DHX32: variants seen among roughly 807,000 people sequenced by gnomAD.
The protein encoded by DHX32 is putative pre-mRNA-splicing factor ATP-dependent RNA helicase DHX32.
In DHX32, 51 loss-of-function variants were observed where a neutral mutation model predicts 70.0. That is an observed-to-expected ratio of 0.73 (90% CI 0.58 to 0.92). DHX32 has a LOEUF of 0.92. Ranked by LOEUF, DHX32 falls within the 40% of genes least tolerant of loss-of-function variation. The probability of loss-of-function intolerance (pLI) is 0.00; values close to 1 mark genes in which losing one functional copy is unlikely to be tolerated. For missense variants in DHX32, 762 were observed against 891.8 expected (o/e 0.85, Z 1.85); for synonymous variants, 310 against 315.3 (o/e 0.98, Z 0.18).
chr10:125,854,423 T>G, intron 3 of DHX32: 1 of 360,094 alleles, frequency 2.8e-6, no homozygotes, highest in Non-Finnish European at 4.8e-6. Context: ...GTTTTCCCAT[T>G]TAATTTTGTT....
chr10:125,894,855 A>G (rs1944422157), intron 1 of DHX32, among the ~76,000 whole-genome samples: 1 of 152,292 alleles, frequency 6.6e-6, no homozygotes, highest in African/African-American at 2.4e-5. Context: ...GATTTTGCTA[A>G]TGATATGTAA....
chr10:125,840,893 G>T lies in DHX32; in HGVS notation c.1647C>A (p.Ser549Arg). 1 of 1,609,712 alleles carries T rather than the reference G, an allele frequency of 6.2e-7. No homozygotes were observed. The highest frequency in any genetic ancestry group is 1.7e-5 in the Admixed American group (1 of 59,852). ...TTGTGTCTTGGTAAGCCTTGTAAATGCTGATGAGGGTAAAGTGATCTCCTT... is the reference window on the plus strand; with the variant it reads ...TTGTGTCTTGGTAAGCCTTGTAAATTCTGATGAGGGTAAAGTGATCTCCTT... ...HPEGDHFTLI[S>R]IYKAYQDTTL... Residue 549 changes from serine to arginine, a missense_variant, in exon 8 of 11, where the codon AGC (serine) becomes AGA (arginine). By Grantham distance (110) the Ser-to-Arg change is moderately radical (BLOSUM62 -1). This residue lies in a region of DHX32 where 366 missense variants were observed against 402.6 expected (regional missense o/e 0.91). Transcript: ENST00000284690.
intron 2 of DHX32, 59 bp from the exon 3 acceptor site, chr10:125,860,034 C>T: frequency 7.1e-7 from 1 of 1,407,992 alleles, no homozygotes; most frequent in Non-Finnish European, 9.4e-7. Flanking sequence ...CAAAAAACTT[C>T]CTAACAAGAA....
chr10:125,859,048 T>TG lies in DHX32; in HGVS notation c.849+554_849+555insC, dbSNP rs1157053178. ...TTTTTTTTTTGTTTGTTTGTTTGTT[T>TG]TTTTTTTTTTTTTTTAATCTTTTAA... On this transcript the variant is annotated intron_variant, in intron 3 of 10. Coordinates refer to ENST00000284690, the MANE Select transcript of DHX32 (RefSeq NM_018180.3). 2.7e-3 allele frequency among the ~76,000 whole-genome samples: 376 copies of TG among 141,728 alleles called. 1 individual carries two copies. Among genetic ancestry groups the TG allele is most frequent in the African/African-American group, 7.0e-3 (254 of 36,158 alleles). 93.0% of individuals were successfully genotyped at this position (141,728 alleles called of 152,430 possible). A position where few individuals can be genotyped will look rare whatever the true frequency, so the allele number is the denominator to read the frequency against.
At chr10:125,853,476 G>C (rs1031672221) in intron 4 of DHX32, 1 of 253,788 alleles carries the variant, frequency 3.9e-6, no homozygotes, top group Non-Finnish European at 7.3e-6. Flanking sequence ...AAATTTTATC[G>C]TCAATTATAA....
chr10:125,859,048 T>G (rs865798965), intron 3 of DHX32, among the ~76,000 whole-genome samples: 2,100 of 141,736 alleles, frequency 0.015, 48 homozygotes, highest in African/African-American at 0.055. Flanking sequence ...TTTGTTTGTT[T>G]TTTTTTTTTT....
At chr10:125,851,784 G>A (rs1249700398) in intron 6 of DHX32, among the ~76,000 whole-genome samples, 2 of 151,956 alleles carry the variant, frequency 1.3e-5, no homozygotes, top group African/African-American at 2.4e-5. Flanking sequence ...TAATAAGTGT[G>A]GTGGCTTGCA....
chr10:125,877,824 C>A (rs1053511229), intron 1 of DHX32, among the ~76,000 whole-genome samples: 2 of 152,008 alleles, frequency 1.3e-5, no homozygotes. Context: ...TTATCAAATC[C>A]TTCTGGGCCA....
At chr10:125,875,052 C>T (rs1944276447) in intron 1 of DHX32, among the ~76,000 whole-genome samples, 1 of 151,958 alleles carries the variant, frequency 6.6e-6, no homozygotes, top group African/African-American at 2.4e-5. Flanking sequence ...AACCCCGTCT[C>T]TATAAAAAAT....
intron 2 of DHX32, among the ~76,000 whole-genome samples, chr10:125,861,681 G>A (rs1384954547): frequency 1.3e-5 from 2 of 152,226 alleles, no homozygotes; most frequent in Non-Finnish European, 2.9e-5. Flanking sequence ...CATTTCACGA[G>A]CTGTGAATGA....
chr10:125,851,878 G>A (rs989947888), intron 6 of DHX32, among the ~76,000 whole-genome samples: 2 of 138,448 alleles, frequency 1.4e-5, no homozygotes, highest in Non-Finnish European at 3.0e-5. Flanking sequence ...CTATGATCAC[G>A]CCACTGTACT....
chr10:125,853,103 C>T, intron 4 of DHX32: 1 of 1,547,624 alleles, frequency 6.5e-7, no homozygotes. Flanking sequence ...GCGTATGGCA[C>T]TAACAATGAT....
At chr10:125,858,775 A>G (rs1944163898) in intron 3 of DHX32, among the ~76,000 whole-genome samples, 1 of 152,112 alleles carries the variant, frequency 6.6e-6, no homozygotes, top group African/African-American at 2.4e-5. Flanking sequence ...GAAGACAGGG[A>G]AAAAAGGCCA....
chr10:125,843,537 AG>A (rs1028636962), intron 6 of DHX32, among the ~76,000 whole-genome samples: 2 of 151,930 alleles, frequency 1.3e-5, no homozygotes, highest in African/African-American at 4.8e-5. Context: ...GCGTGAACCC[AG>A]GAAGTGGAGC....
rs753073267 is a variant in DHX32 at position 125,849,262 on chromosome 10, C to T, written c.1351+3031G>A. Reference sequence around the variant, plus strand: ...CCATCTTTCCGCCTGCACTGTTGCACGCAAAAACATATCAACTTAAATGAT... The same window carrying T: ...CCATCTTTCCGCCTGCACTGTTGCATGCAAAAACATATCAACTTAAATGAT... On this transcript the variant is annotated intron_variant, in intron 6 of 10. Transcript: ENST00000284690. Among the ~76,000 whole-genome samples the T allele has an allele frequency of 3.9e-5, 6 of 152,182 alleles. No homozygotes were observed. The South Asian group carries it at 8.3e-4, about 21-fold the overall frequency.
At chr10:125,840,737 A>C (rs1854853908) in intron 8 of DHX32, 110 bp downstream of exon 8, 1 of 1,250,822 alleles carries the variant, frequency 8.0e-7, no homozygotes, top group Non-Finnish European at 1.1e-6. Flanking sequence ...ATTGCATTCA[A>C]GTGGCCAGTA....
At chr10:125,840,163 C>A (rs1434306307) in intron 8 of DHX32, among the ~76,000 whole-genome samples, 1 of 152,216 alleles carries the variant, frequency 6.6e-6, no homozygotes, top group African/African-American at 2.4e-5. Flanking sequence ...GTGGCTCTAG[C>A]CTCTGCTATG....
At chr10:125,891,511 G>A (rs2886645) in intron 1 of DHX32, among the ~76,000 whole-genome samples, 4 of 149,604 alleles carry the variant, frequency 2.7e-5, no homozygotes, top group South Asian at 2.1e-4. Flanking sequence ...AGGCTGAGGC[G>A]GGAGGAGCCC....
In DHX32 at chr10:125,841,731, C is replaced by T; in HGVS notation, c.1543+12G>A. On this transcript the variant is annotated intron_variant, in intron 7 of 10. Transcript: ENST00000284690. ...TTTGCAAAAAAAGAAAAGGAATAGT[C>T]ATTAAGGATACCTGTTACCATGGCT... 1 of 1,603,474 alleles carries T rather than the reference C, an allele frequency of 6.2e-7. No homozygotes were observed. The highest frequency in any genetic ancestry group is 8.5e-7 in the Non-Finnish European group (1 of 1,177,882).
Sources: gnomAD v4.1 joint callset for allele counts (sites outside exome capture counted in the v4.1 genomes callset) on GRCh38, gnomAD v4.1.1 for gene constraint, gnomAD v4.1.1 regional missense constraint, MANE v1.5 for transcripts, NCBI Gene and HGNC (gene_info 2026-07-23, HGNC 2026-07-21) for gene names.